The following RELN variants were observed in gnomAD, a reference collection of about 807,000 sequenced individuals.
RELN encodes the protein reelin.
A neutral mutation model predicts 427.6 loss-of-function variants in RELN; 108 were observed. That is an observed-to-expected ratio of 0.25 (90% CI 0.22 to 0.30). The LOEUF (loss-of-function observed/expected upper bound fraction) is 0.30, where lower values mean the gene tolerates loss of function less well. Among genes scored for constraint, RELN ranks in the 10% least tolerant of loss-of-function variants. The probability of loss-of-function intolerance (pLI) is 1.00; values close to 1 mark genes in which losing one functional copy is unlikely to be tolerated. For missense variants in RELN, 3,715 were observed against 4,302.8 expected (o/e 0.86, Z 3.82); for synonymous variants, 1,524 against 1,513.4 (o/e 1.01, Z -0.16).
intron 8 of RELN, among the ~76,000 whole-genome samples, chr7:103,718,014 T>C (rs1789983519): frequency 6.6e-6 from 1 of 152,180 alleles, no homozygotes; most frequent in African/African-American, 2.4e-5. Context: ...TGAAATAGAA[T>C]ACCTTTTACA....
Position 103,631,286 on chromosome 7 carries a change from CTTTTTTTT to C in RELN, c.2466-1118_2466-1111del, listed in dbSNP as rs545808640. On this transcript the variant is annotated intron_variant, in intron 19 of 64. Transcript: ENST00000428762. ...CAGAAATAAAACTTTAAAAACACTTCTTTTTTTTTTTTTTTTTTTTTTTTTGAGATGGA... is the reference window on the plus strand; with the variant it reads ...CAGAAATAAAACTTTAAAAACACTTCTTTTTTTTTTTTTTTTTGAGATGGA... Among the ~76,000 whole-genome samples, 17 of 77,808 alleles carry C rather than the reference CTTTTTTTT, an allele frequency of 2.2e-4. 1 individual carries two copies. The South Asian group carries it at 3.7e-3, about 17-fold the overall frequency. The allele number at this position is 77,808 out of a possible 152,430, so 51.0% of individuals were successfully genotyped here. A position where few individuals can be genotyped will look rare whatever the true frequency, so the allele number is the denominator to read the frequency against.
At position 103,682,142 on chromosome 7, in the gene RELN, T is replaced by A; in HGVS notation, c.1263A>T (p.Ser421=). The change falls in exon 11 of 65, where the codon TCA becomes TCT. Residue 421 remains serine (S), a synonymous_variant. Coordinates refer to ENST00000428762, the MANE Select transcript of RELN (RefSeq NM_005045.4). ...CTGTAGGCTGGCTCTCAAATTCTTCTGACCATTGCTCTTGAATATCTTCTG... is the reference window on the plus strand; with the variant it reads ...CTGTAGGCTGGCTCTCAAATTCTTCAGACCATTGCTCTTGAATATCTTCTG... ...LSTEDIQEQW[S]EEFESQPTGW... is the part of the protein sequence containing the mutation. The A allele has an allele frequency of 6.2e-7, 1 of 1,614,028 alleles. No individual in the cohort carries two copies. Among genetic ancestry groups the A allele is most frequent in the Non-Finnish European group, 8.5e-7 (1 of 1,179,916 alleles).
intron 50 of RELN, among the ~76,000 whole-genome samples, chr7:103,514,374 G>A (rs765529482): frequency 1.3e-5 from 2 of 151,110 alleles, no homozygotes; most frequent in East Asian, 1.9e-4. Context: ...ATGAGAGGAG[G>A]ATAGGCCGGG....
intron 20 of RELN, among the ~76,000 whole-genome samples, chr7:103,627,577 T>C (rs1832355240): frequency 6.6e-6 from 1 of 150,478 alleles, no homozygotes; most frequent in South Asian, 2.1e-4. Context: ...AAGTGGTTAA[T>C]GTGTTTCTCT....
At chr7:103,719,674 C>T (rs1426022468) in intron 8 of RELN, among the ~76,000 whole-genome samples, 5 of 152,238 alleles carry the variant, frequency 3.3e-5, no homozygotes, top group Non-Finnish European at 5.9e-5. Context: ...AAGTAGAGTT[C>T]GGAGGCATCT....
chr7:103,758,481 G>C (rs1265346493), intron 4 of RELN, among the ~76,000 whole-genome samples: 1 of 151,668 alleles, frequency 6.6e-6, no homozygotes, highest in Non-Finnish European at 1.5e-5. Flanking sequence ...TTTCCAGCTA[G>C]GCATTCAGAA....
chr7:103,855,072 A>T (rs1397193678), intron 2 of RELN, among the ~76,000 whole-genome samples: 1 of 152,264 alleles, frequency 6.6e-6, no homozygotes, highest in Non-Finnish European at 1.5e-5. Flanking sequence ...GAATGTACAG[A>T]ATTGAATGTA....
At chr7:103,629,025 G>A (rs373915549) in intron 20 of RELN, among the ~76,000 whole-genome samples, 1 of 152,192 alleles carries the variant, frequency 6.6e-6, no homozygotes, top group Non-Finnish European at 1.5e-5. Flanking sequence ...ACTCTCGCCT[G>A]GGGGAACTGT....
At chr7:103,686,204 A>G (rs1230376837) in intron 10 of RELN, among the ~76,000 whole-genome samples, 2 of 152,120 alleles carry the variant, frequency 1.3e-5, no homozygotes, top group African/African-American at 4.8e-5. Context: ...GATGGAATGA[A>G]ATCTGCCTGG....
chr7:103,544,513 C>A (rs759293009), intron 42 of RELN, among the ~76,000 whole-genome samples: 1 of 152,154 alleles, frequency 6.6e-6, no homozygotes, highest in African/African-American at 2.4e-5. Context: ...GCATGAGCCA[C>A]TGCACCAGGC....
chr7:103,780,256 T>C (rs1791854766), intron 3 of RELN, among the ~76,000 whole-genome samples: 2 of 152,192 alleles, frequency 1.3e-5, no homozygotes, highest in African/African-American at 2.4e-5. Flanking sequence ...CTTTTCAACT[T>C]TTTATTATTT....
chr7:103,953,744 C>T lies in RELN; in HGVS notation c.226+35387G>A, dbSNP rs1796377559. Among the ~76,000 whole-genome samples the T allele has an allele frequency of 6.6e-6, 1 of 151,998 alleles. No individual in the cohort carries two copies. The highest frequency in any genetic ancestry group is 1.9e-4 in the East Asian group (1 of 5,154). ...GGTCAGGAGTTTGAGACCAGCCTTG[C>T]CAACATGGTGAAACCCCATCTCTTC... On this transcript the variant is annotated intron_variant, in intron 1 of 64. Transcript: ENST00000428762. This position sits in a 1 kb window ranked among gnomAD's most constrained non-coding sequence, Gnocchi z 4.3.
intron 2 of RELN, among the ~76,000 whole-genome samples, chr7:103,910,846 A>G (rs199782339): frequency 0.018 from 2,098 of 118,140 alleles, 27 homozygotes; most frequent in African/African-American, 0.057. Context: ...TTATACAAAA[A>G]TCAATTCAAG....
At chr7:103,609,716 C>T (rs1831904040) in intron 22 of RELN, among the ~76,000 whole-genome samples, 1 of 152,078 alleles carries the variant, frequency 6.6e-6, no homozygotes, top group Non-Finnish European at 1.5e-5. Flanking sequence ...TGGTATCTAA[C>T]CAATTGTTTT....
chr7:103,871,548 G>C (rs769768657), intron 2 of RELN, among the ~76,000 whole-genome samples: 50 of 152,088 alleles, frequency 3.3e-4, no homozygotes, highest in Non-Finnish European at 6.9e-4. Flanking sequence ...GAGGAAGCAT[G>C]ACCACTTTGC....
At chr7:103,741,051 C>T (rs895311245) in intron 6 of RELN, among the ~76,000 whole-genome samples, 8 of 152,172 alleles carry the variant, frequency 5.3e-5, no homozygotes, top group Non-Finnish European at 8.8e-5. Context: ...TGTTACAAAG[C>T]TCCACTGGGT....
At chr7:103,943,305 C>A (rs1336984416) in intron 1 of RELN, among the ~76,000 whole-genome samples, 1 of 152,014 alleles carries the variant, frequency 6.6e-6, no homozygotes, top group African/African-American at 2.4e-5. Context: ...TGACAGCTGC[C>A]CTGAGCCGGA....
In RELN at chr7:103,651,756, GCGCC is replaced by G; in HGVS notation, c.1793_1796del (p.Gly598AlafsTer37). On this transcript the variant is annotated frameshift_variant, in exon 15 of 65. Coordinates refer to ENST00000428762, the MANE Select transcript of RELN (RefSeq NM_005045.4). LOFTEE classifies it high-confidence loss of function. ...ATTCAGTGTGAAGGAGGGACCAGGA[GCGCC>G]CATGGTTGGTAGAAAATTCCAAGCT... The G allele has an allele frequency of 6.2e-7, 1 of 1,611,922 alleles. No individual in the cohort carries two copies. Among genetic ancestry groups the G allele is most frequent in the Non-Finnish European group, 8.5e-7 (1 of 1,178,736 alleles).
At chr7:103,525,485 C>A (rs550008410) in intron 46 of RELN, among the ~76,000 whole-genome samples, 268 of 152,278 alleles carry the variant, frequency 1.8e-3, no homozygotes, top group African/African-American at 6.2e-3. Context: ...GGCTTCCATT[C>A]TCACAGTAAG....
Sources: allele counts gnomAD v4.1 joint callset (sites outside exome capture counted in the v4.1 genomes callset), GRCh38; gene constraint gnomAD v4.1.1; non-coding constraint Gnocchi (gnomAD v3.1); transcripts MANE v1.5; gene names NCBI Gene and HGNC (gene_info 2026-07-23, HGNC 2026-07-21).